The following C8orf89 variants were observed in gnomAD, a reference collection of about 807,000 sequenced individuals.
C8orf89 encodes chromosome 8 open reading frame 89, also known as putative uncharacterized protein C8orf89.
C8orf89 carries 14 observed loss-of-function variants against 15.8 expected under a neutral mutation model. That is an observed-to-expected ratio of 0.89 (90% CI 0.59 to 1.39). The LOEUF is 1.39. Ranked by LOEUF, C8orf89 falls within the 40% of genes most tolerant of loss-of-function variation. The pLI, the probability that C8orf89 is intolerant of heterozygous loss-of-function variation, is 0.00. For missense variants in C8orf89, 181 were observed against 184.5 expected (o/e 0.98, Z 0.11); for synonymous variants, 55 against 62.2 (o/e 0.88, Z 0.54).
At chr8:73,260,563 A>G (rs959797032), upstream of C8orf89, among the ~76,000 whole-genome samples, 1 of 152,184 alleles carries the variant, frequency 6.6e-6, no homozygotes, top group Non-Finnish European at 1.5e-5. Flanking sequence ...AAAACGGATA[A>G]TACAGTTTTA....
the C8orf89 span, among the ~76,000 whole-genome samples, chr8:73,267,006 C>A: frequency 1.3e-5 from 2 of 151,950 alleles, no homozygotes; most frequent in African/African-American, 4.8e-5. Flanking sequence ...GCCAACTGAC[C>A]AAAGATAGGA....
intron 2 of C8orf89, among the ~76,000 whole-genome samples, chr8:73,251,309 G>A (rs1013058946): frequency 3.3e-5 from 5 of 152,114 alleles, no homozygotes; most frequent in African/African-American, 1.2e-4. Flanking sequence ...TACATAAAAC[G>A]AACAAAAATG....
At chr8:73,269,848 T>A in the C8orf89 span, among the ~76,000 whole-genome samples, 2 of 152,226 alleles carry the variant, frequency 1.3e-5, no homozygotes, top group Non-Finnish European at 2.9e-5. Context: ...TTGACACATA[T>A]TGTTTTAAAA....
At chr8:73,275,625 T>G in the C8orf89 span, among the ~76,000 whole-genome samples, 1 of 152,236 alleles carries the variant, frequency 6.6e-6, no homozygotes, top group Non-Finnish European at 1.5e-5. Flanking sequence ...TATTTGCCAC[T>G]TAGGTTTCCT....
chr8:73,277,712 C>G, the C8orf89 span: 1 of 750,450 alleles, frequency 1.3e-6, no homozygotes, highest in South Asian at 1.3e-5. Context: ...TCCTTTACCA[C>G]TGCATAGAGG....
chr8:73,279,670 G>A, the C8orf89 span, among the ~76,000 whole-genome samples: 1 of 152,166 alleles, frequency 6.6e-6, no homozygotes, highest in African/African-American at 2.4e-5. Context: ...GAGGTGAGAT[G>A]TTTCTTTCCC....
intron 1 of C8orf89, among the ~76,000 whole-genome samples, chr8:73,258,628 ATTT>A (rs10691611): frequency 3.6e-5 from 5 of 137,274 alleles, no homozygotes; most frequent in Admixed American, 7.4e-5. Flanking sequence ...TTTGGTTAGA[ATTT>A]TTTTTTTTTT....
the C8orf89 span, among the ~76,000 whole-genome samples, chr8:73,270,335 AAAG>A: frequency 6.6e-6 from 1 of 152,246 alleles, no homozygotes. Flanking sequence ...ATCTGTATAA[AAAG>A]AATATCTAAC....
the C8orf89 span, chr8:73,277,799 C>T: frequency 2.7e-6 from 2 of 729,754 alleles, no homozygotes; most frequent in Non-Finnish European, 5.2e-6. Context: ...AACAGCCTGG[C>T]CTCCGCACAG....
At chr8:73,279,917 A>C in the C8orf89 span, among the ~76,000 whole-genome samples, 5 of 152,326 alleles carry the variant, frequency 3.3e-5, no homozygotes, top group Non-Finnish European at 7.3e-5. Context: ...CAGACATGTG[A>C]GTGAATAAAC....
intron 3 of C8orf89, 97 bp downstream of exon 3, chr8:73,250,171 G>T: frequency 1.4e-6 from 1 of 704,358 alleles, no homozygotes; most frequent in Admixed American, 2.9e-5. Context: ...ACAAAACAAA[G>T]ATAATTAATC....
At chr8:73,266,600 A>T in the C8orf89 span, among the ~76,000 whole-genome samples, 1 of 152,196 alleles carries the variant, frequency 6.6e-6, no homozygotes, top group African/African-American at 2.4e-5. Flanking sequence ...TATGGTGCTG[A>T]TGGCAACCAA....
upstream of C8orf89, among the ~76,000 whole-genome samples, chr8:73,261,042 G>T (rs1056084923): frequency 1.3e-5 from 2 of 152,152 alleles, no homozygotes; most frequent in Non-Finnish European, 1.5e-5. Context: ...TGGACTCTTG[G>T]ACTTACACCC....
At chr8:73,272,621 T>C in the C8orf89 span, among the ~76,000 whole-genome samples, 26 of 151,474 alleles carry the variant, frequency 1.7e-4, no homozygotes, top group Non-Finnish European at 2.4e-4. Context: ...CACCCCATGA[T>C]AGGCCCCGGT....
chr8:73,242,944 T>C (rs796669727), intron 3 of C8orf89, among the ~76,000 whole-genome samples: 25 of 152,172 alleles, frequency 1.6e-4, no homozygotes, highest in African/African-American at 5.8e-4. Flanking sequence ...GAAAATGTGG[T>C]ACATATACAC....
the C8orf89 span, among the ~76,000 whole-genome samples, chr8:73,284,070 G>A: frequency 3.3e-5 from 5 of 151,526 alleles, no homozygotes; most frequent in African/African-American, 1.2e-4. Context: ...AAAAAAGAAT[G>A]CCTATTGTTG....
chr8:73,256,870 A>T, intron 2 of C8orf89, 103 bp downstream of exon 2: 1 of 695,542 alleles, frequency 1.4e-6, no homozygotes, highest in Non-Finnish European at 2.0e-6. Context: ...AAAAAAAAAC[A>T]GGCAAAAATG....
intron 3 of C8orf89, among the ~76,000 whole-genome samples, chr8:73,244,944 G>T (rs919095080): frequency 6.6e-6 from 1 of 152,156 alleles, no homozygotes; most frequent in Non-Finnish European, 1.5e-5. Context: ...CTGCTGATAA[G>T]GACATAACTG....
At chr8:73,279,765 C>T in the C8orf89 span, among the ~76,000 whole-genome samples, 1 of 152,190 alleles carries the variant, frequency 6.6e-6, no homozygotes, top group Non-Finnish European at 1.5e-5. Context: ...AGTGATATGA[C>T]TTCCACTTGG....
Sources: gnomAD v4.1 joint callset for allele counts (sites outside exome capture counted in the v4.1 genomes callset) on GRCh38, gnomAD v4.1.1 for gene constraint, MANE v1.5 for transcripts, NCBI Gene and HGNC (gene_info 2026-07-23, HGNC 2026-07-21) for gene names.